Variants in DYNC1I1 observed in about 807,000 individuals in gnomAD.
DYNC1I1 encodes the protein cytoplasmic dynein 1 intermediate chain 1.
DYNC1I1 carries 43 observed loss-of-function variants against 86.6 expected under a neutral mutation model. The observed-to-expected ratio is 0.50, with a 90% CI of 0.39 to 0.64. The LOEUF is 0.64. Ranked by LOEUF, DYNC1I1 falls within the 30% of genes least tolerant of loss-of-function variation. The pLI is 0.00. For synonymous variants in DYNC1I1, 262 were observed against 283.7 expected (o/e 0.92, Z 0.77); for missense variants, 604 against 788.8 (o/e 0.77, Z 2.81).
chr7:95,871,987 A>G (rs1790183356), intron 6 of DYNC1I1, among the ~76,000 whole-genome samples: 1 of 152,224 alleles, frequency 6.6e-6, no homozygotes, highest in Admixed American at 6.5e-5. Context: ...AAAACCTTTC[A>G]ATTTGGGTTC....
chr7:96,087,581 TC>T (rs1584312346), intron 16 of DYNC1I1, among the ~76,000 whole-genome samples: 1 of 152,228 alleles, frequency 6.6e-6, no homozygotes, highest in East Asian at 1.9e-4. Context: ...ACCAAATACT[TC>T]CTTTGATTTT....
At chr7:96,109,310 C>T in intron 16 of DYNC1I1, among the ~76,000 whole-genome samples, 1 of 151,136 alleles carries the variant, frequency 6.6e-6, no homozygotes, top group Non-Finnish European at 1.5e-5. Flanking sequence ...TGTGCTGCAC[C>T]CATTAACTCG....
chr7:95,876,852 T>C (rs962310868), intron 6 of DYNC1I1, among the ~76,000 whole-genome samples: 3 of 152,148 alleles, frequency 2.0e-5, no homozygotes, highest in African/African-American at 4.8e-5. Context: ...ATGAATCTAC[T>C]TCCCAGTAAA....
chr7:96,069,093 C>A (rs1790084416), intron 14 of DYNC1I1, among the ~76,000 whole-genome samples: 2 of 152,092 alleles, frequency 1.3e-5, no homozygotes, highest in African/African-American at 4.8e-5. Flanking sequence ...CCCTGTACAC[C>A]CTCCTAATCC....
chr7:96,032,889 C>A, intron 12 of DYNC1I1, 109 bp downstream of exon 12: 1 of 827,350 alleles, frequency 1.2e-6, no homozygotes, highest in East Asian at 2.7e-5. Context: ...GGAGCTAAAA[C>A]AAATGGATGC....
intron 6 of DYNC1I1, among the ~76,000 whole-genome samples, chr7:95,899,532 A>G (rs1229190388): frequency 6.6e-6 from 1 of 152,180 alleles, no homozygotes; most frequent in East Asian, 1.9e-4. Context: ...GGTTCCACCA[A>G]GTCAGAATCA....
At chr7:96,079,570 C>T (rs1455790136) in intron 15 of DYNC1I1, among the ~76,000 whole-genome samples, 1 of 152,126 alleles carries the variant, frequency 6.6e-6, no homozygotes, top group Non-Finnish European at 1.5e-5. Context: ...TGCAGCACCT[C>T]CAGTTCACTT....
At chr7:96,001,433 A>T (rs569069946) in intron 10 of DYNC1I1, among the ~76,000 whole-genome samples, 1 of 152,324 alleles carries the variant, frequency 6.6e-6, no homozygotes, top group Admixed American at 6.5e-5. Context: ...GAAACAATAT[A>T]GTTATATTAG....
rs141683436 is a variant in DYNC1I1 at position 95,836,790 on chromosome 7, A to T, written c.374+8674A>T. ...CCTGAGGCTTCTGCATTCTTCACGTAGTTCTTGAGTCTTGGTTTTCAGCTC... is the reference window on the plus strand; with the variant it reads ...CCTGAGGCTTCTGCATTCTTCACGTTGTTCTTGAGTCTTGGTTTTCAGCTC... On this transcript the variant is annotated intron_variant, in intron 5 of 16. Coordinates refer to ENST00000447467, the MANE Select transcript of DYNC1I1 (RefSeq NM_001135556.2). 6.4e-3 allele frequency among the ~76,000 whole-genome samples: 970 copies of T among 152,044 alleles called. 20 individuals are homozygous for T. The highest frequency in any genetic ancestry group is 0.03 in the East Asian group (154 of 5,174).
intron 6 of DYNC1I1, among the ~76,000 whole-genome samples, chr7:95,908,640 G>A (rs915364279): frequency 1.3e-5 from 2 of 152,082 alleles, no homozygotes; most frequent in Non-Finnish European, 2.9e-5. Context: ...AGGGGTGGGG[G>A]TTCATCCATA....
chr7:95,826,061 A>G (rs573336755), intron 4 of DYNC1I1, among the ~76,000 whole-genome samples: 1 of 152,368 alleles, frequency 6.6e-6, no homozygotes, highest in South Asian at 2.1e-4. Flanking sequence ...ACAGAGCAGC[A>G]GCATCTGTAT....
intron 9 of DYNC1I1, among the ~76,000 whole-genome samples, chr7:95,989,280 A>G (rs1793672438): frequency 6.6e-6 from 1 of 152,234 alleles, no homozygotes; most frequent in Admixed American, 6.5e-5. Context: ...CATCAGCAAT[A>G]AAGTGGGTGA....
intron 1 of DYNC1I1, among the ~76,000 whole-genome samples, chr7:95,793,022 T>C (rs1794345379): frequency 6.6e-6 from 1 of 152,106 alleles, no homozygotes; most frequent in African/African-American, 2.4e-5. Flanking sequence ...CTAACAGTGT[T>C]TTAAACAGTG....
chr7:95,810,449 C>T lies in DYNC1I1; in HGVS notation c.166C>T (p.Arg56Ter), dbSNP rs1584243902. 2.5e-6 allele frequency: 4 copies of T among 1,613,052 alleles called. No homozygotes were observed. The highest frequency in any genetic ancestry group is 2.5e-6 in the Non-Finnish European group (3 of 1,179,398). Reference protein sequence around the residue: ...VQDDSDLDRKRRETEALLQSI... With the variant: ...VQDDSDLDRK The stretch of plus-strand genomic sequence containing the variant: ...GGACGACTCTGATCTGGATCGCAAA[C>T]GACGAGAGACAGAGGCTTTGCTGCA... Residue 56 changes from arginine to a stop codon, truncating the protein, a stop_gained, in exon 3 of 17, where the codon CGA (arginine) becomes TGA (stop). Transcript: ENST00000447467. LOFTEE classifies it high-confidence loss of function.
chr7:96,029,910 A>G (rs930154489), intron 11 of DYNC1I1, among the ~76,000 whole-genome samples: 26 of 140,248 alleles, frequency 1.9e-4, no homozygotes, highest in African/African-American at 6.7e-4. Flanking sequence ...GACTTCCTCT[A>G]AAAAAAAAAA....
intron 6 of DYNC1I1, among the ~76,000 whole-genome samples, chr7:95,943,735 C>T (rs1362209747): frequency 6.6e-6 from 1 of 151,316 alleles, no homozygotes; most frequent in Non-Finnish European, 1.5e-5. Flanking sequence ...CTACAACTAT[C>T]TGATCTTTGA....
Position 95,804,728 on chromosome 7 carries a change from A to C in DYNC1I1, c.-2A>C. The C allele has an allele frequency of 6.3e-7, 1 of 1,592,514 alleles. No homozygotes were observed. Among genetic ancestry groups the C allele is most frequent in the Non-Finnish European group, 8.5e-7 (1 of 1,171,074 alleles). On this transcript the variant is annotated 5_prime_UTR_variant, in exon 2 of 17. Transcript: ENST00000447467. ...TTTTTCTCTTTCTCCAAGGAAACCA[A>C]CATGTCTGACAAAAGTGACTTAAAA...
chr7:96,034,933 T>C (rs1267770452), intron 12 of DYNC1I1, among the ~76,000 whole-genome samples: 2 of 152,244 alleles, frequency 1.3e-5, no homozygotes, highest in Non-Finnish European at 2.9e-5. Context: ...TTAGTTATAA[T>C]TGATTATTCT....
Position 96,066,322 on chromosome 7 carries a change from C to T in DYNC1I1, c.1510-9735C>T, listed in dbSNP as rs74754388. ...TAATACCATCCTTGACCACATCAGA[C>T]TCTGGTAACACCAACACACCACTAC... On this transcript the variant is annotated intron_variant, in intron 14 of 16. Transcript: ENST00000447467. Among the ~76,000 whole-genome samples the T allele has an allele frequency of 7.2e-5, 11 of 152,336 alleles. No homozygotes were observed. In the East Asian group the frequency reaches 1.9e-3, roughly 27 times the overall value.
Sources: allele counts gnomAD v4.1 joint callset (sites outside exome capture counted in the v4.1 genomes callset), GRCh38; gene constraint gnomAD v4.1.1; transcripts MANE v1.5; gene names NCBI Gene and HGNC (gene_info 2026-07-23, HGNC 2026-07-21).